TENM3: variants seen among roughly 807,000 people sequenced by gnomAD.
The protein encoded by TENM3 is teneurin-3.
A neutral mutation model predicts 255.1 loss-of-function variants in TENM3; 63 were observed. That is an observed-to-expected ratio of 0.25 (90% CI 0.20 to 0.30). The LOEUF is 0.30. Ranked by LOEUF, TENM3 falls within the 10% of genes least tolerant of loss-of-function variation. The pLI, the probability that TENM3 is intolerant of heterozygous loss-of-function variation, is 1.00. For missense variants in TENM3, 2,929 were observed against 3,461.1 expected, an observed-to-expected ratio of 0.85 and a Z score of 3.86; for synonymous variants, 1,306 against 1,322.3, an observed-to-expected ratio of 0.99 and a Z score of 0.27.
chr4:182,411,914 G>A (rs1384351783), intron 3 of TENM3, among the ~76,000 whole-genome samples: 8 of 152,146 alleles, frequency 5.3e-5, no homozygotes, highest in Non-Finnish European at 7.3e-5. Context: ...ACTTAAGTGT[G>A]TCCATGGCTA....
chr4:181,586,417 C>T, the TENM3 span, among the ~76,000 whole-genome samples: 9 of 152,240 alleles, frequency 5.9e-5, 1 homozygote, highest in Middle Eastern at 3.4e-3. Context: ...GAGGACTCAA[C>T]TAGACAATGA....
the TENM3 span, among the ~76,000 whole-genome samples, chr4:181,653,247 T>G: frequency 6.6e-6 from 1 of 152,128 alleles, no homozygotes; most frequent in Non-Finnish European, 1.5e-5. Context: ...CAACACAGAT[T>G]GCTAGGCCCC....
At position 182,793,954 on chromosome 4, in the gene TENM3, G is replaced by A; in HGVS notation, c.7213+69G>A. 7.2e-7 allele frequency: 1 copy of A among 1,392,500 alleles called. No homozygotes were observed. Among genetic ancestry groups the A allele is most frequent in the Non-Finnish European group, 9.6e-7 (1 of 1,037,774 alleles). The allele number at this position is 1,392,500 out of a possible 1,614,324, so 86.3% of individuals were successfully genotyped here. A position where few individuals can be genotyped will look rare whatever the true frequency, so the allele number is the denominator to read the frequency against. ...ATTAGATTAATACACAAAATAACTG[G>A]AAATGCTTTTTTAAAAAACTTTATA... On this transcript the variant is annotated intron_variant, in intron 26 of 27. Coordinates refer to ENST00000511685, the MANE Select transcript of TENM3 (RefSeq NM_001080477.4). The surrounding 1 kb of genome is among the most constrained non-coding windows in gnomAD (Gnocchi z 5.7).
chr4:182,203,274 TCTC>T (rs1754325494), intron 1 of TENM3, among the ~76,000 whole-genome samples: 2 of 151,850 alleles, frequency 1.3e-5, no homozygotes, highest in Non-Finnish European at 2.9e-5. Context: ...TTTGGTTCCT[TCTC>T]CTCCACCCAG....
the TENM3 span, among the ~76,000 whole-genome samples, chr4:181,851,583 TAC>T: frequency 1.6e-4 from 25 of 152,136 alleles, no homozygotes; most frequent in South Asian, 2.1e-3. Flanking sequence ...CATGCACATA[TAC>T]ACACGCACGC....
the TENM3 span, among the ~76,000 whole-genome samples, chr4:181,458,864 T>C: frequency 6.6e-6 from 1 of 151,988 alleles, no homozygotes; most frequent in African/African-American, 2.4e-5. Flanking sequence ...TATGAATATT[T>C]AAGTACAATT....
At chr4:181,927,709 C>T in the TENM3 span, among the ~76,000 whole-genome samples, 2 of 152,220 alleles carry the variant, frequency 1.3e-5, no homozygotes, top group African/African-American at 4.8e-5. Context: ...GGGTCCCTGA[C>T]CCCCATGCCT....
intron 2 of TENM3, among the ~76,000 whole-genome samples, chr4:182,328,240 G>T (rs2150531647): frequency 6.6e-6 from 1 of 152,214 alleles, no homozygotes; most frequent in Admixed American, 6.5e-5. Flanking sequence ...TTTTGAGATG[G>T]AGTCTCACTC....
the TENM3 span, among the ~76,000 whole-genome samples, chr4:181,476,399 C>T: frequency 2.0e-5 from 3 of 152,010 alleles, no homozygotes; most frequent in African/African-American, 7.3e-5. Context: ...GTTCCTCCCA[C>T]CAGTCAGTTA....
the TENM3 span, among the ~76,000 whole-genome samples, chr4:181,562,611 C>T: frequency 1.3e-5 from 2 of 151,660 alleles, no homozygotes. Context: ...GGCTCACCAG[C>T]AAAATAGCCA....
At chr4:181,565,442 G>T in the TENM3 span, among the ~76,000 whole-genome samples, 2 of 152,174 alleles carry the variant, frequency 1.3e-5, no homozygotes, top group East Asian at 3.8e-4. Flanking sequence ...ACATCAATCA[G>T]CAAAACAATT....
At chr4:182,786,848 A>T (rs1289938287) in intron 24 of TENM3, among the ~76,000 whole-genome samples, 3 of 152,180 alleles carry the variant, frequency 2.0e-5, no homozygotes, top group African/African-American at 7.2e-5. Flanking sequence ...TCTAAGGAAG[A>T]AAAAAAGGGC....
chr4:181,596,178 A>G, the TENM3 span, among the ~76,000 whole-genome samples: 1 of 152,210 alleles, frequency 6.6e-6, no homozygotes, highest in Non-Finnish European at 1.5e-5. Flanking sequence ...TTTGTAGACT[A>G]TGAAAAATGC....
chr4:181,928,384 A>T, the TENM3 span, among the ~76,000 whole-genome samples: 3 of 151,964 alleles, frequency 2.0e-5, no homozygotes, highest in African/African-American at 7.2e-5. Context: ...CGTGAAGCAT[A>T]CACAAGTATC....
chr4:182,215,022 C>T (rs1460887738), intron 1 of TENM3, among the ~76,000 whole-genome samples: 1 of 152,132 alleles, frequency 6.6e-6, no homozygotes, highest in Non-Finnish European at 1.5e-5. Context: ...AAGGTGTCTG[C>T]AAGACCCTAG....
intron 27 of TENM3, 91 bp downstream of exon 27, chr4:182,796,858 C>CA: frequency 9.9e-7 from 1 of 1,007,002 alleles, no homozygotes; most frequent in Non-Finnish European, 1.4e-6. Flanking sequence ...AAAACTGTAC[C>CA]AAAGACAGTT....
chr4:182,171,290 G>A (rs1219727774), intron 1 of TENM3, among the ~76,000 whole-genome samples: 1 of 151,948 alleles, frequency 6.6e-6, no homozygotes, highest in Non-Finnish European at 1.5e-5. Flanking sequence ...ATTAGTCTAT[G>A]AGCCCAAGAT....
chr4:181,475,076 G>A, the TENM3 span, among the ~76,000 whole-genome samples: 231 of 152,310 alleles, frequency 1.5e-3, no homozygotes, highest in Non-Finnish European at 2.6e-3. Context: ...TAATGATTTT[G>A]AATGTAATTT....
At chr4:182,011,118 G>A in the TENM3 span, among the ~76,000 whole-genome samples, 18 of 152,170 alleles carry the variant, frequency 1.2e-4, no homozygotes, top group African/African-American at 2.4e-4. Context: ...TCTCAAATGC[G>A]TATCTCCAGC....
Sources: gnomAD v4.1 joint callset for allele counts (sites outside exome capture counted in the v4.1 genomes callset) on GRCh38, gnomAD v4.1.1 for gene constraint, Gnocchi (gnomAD v3.1) non-coding constraint, MANE v1.5 for transcripts, NCBI Gene and HGNC (gene_info 2026-07-23, HGNC 2026-07-21) for gene names.